Variants in PAM observed in about 807,000 individuals in gnomAD.
PAM encodes the protein peptidylglycine alpha-amidating monooxygenase.
A neutral mutation model predicts 122.1 loss-of-function variants in PAM; 72 were observed. That is an observed-to-expected ratio of 0.59 (90% CI 0.49 to 0.72). The LOEUF is 0.72. Ranked by LOEUF, PAM falls within the 30% of genes least tolerant of loss-of-function variation. PAM has a pLI of 0.00. For missense variants in PAM, 1,106 were observed against 1,183.7 expected (o/e 0.93, Z 0.96); for synonymous variants, 389 against 404.4 (o/e 0.96, Z 0.46).
chr5:102,892,530 T>A (rs1412526364), intron 3 of PAM, among the ~76,000 whole-genome samples: 1 of 151,854 alleles, frequency 6.6e-6, no homozygotes, highest in Non-Finnish European at 1.5e-5. Flanking sequence ...AGTATTATCT[T>A]TGTGATATGT....
At chr5:102,932,863 T>C in intron 7 of PAM, among the ~76,000 whole-genome samples, 1 of 152,156 alleles carries the variant, frequency 6.6e-6, no homozygotes, top group East Asian at 1.9e-4. Context: ...TTCCAGTTTT[T>C]AGGAGTACGT....
intron 7 of PAM, among the ~76,000 whole-genome samples, chr5:102,945,626 G>C (rs1756782020): frequency 6.6e-6 from 1 of 151,836 alleles, no homozygotes; most frequent in Non-Finnish European, 1.5e-5. Context: ...CTTTGGCTCT[G>C]AGTTAATTTG....
At chr5:102,892,639 A>G (rs1285005117) in intron 3 of PAM, among the ~76,000 whole-genome samples, 2 of 151,908 alleles carry the variant, frequency 1.3e-5, no homozygotes. Flanking sequence ...TGCTTTTTAA[A>G]AATCATTGTA....
At chr5:102,880,261 A>C (rs958335246) in intron 3 of PAM, among the ~76,000 whole-genome samples, 5 of 152,124 alleles carry the variant, frequency 3.3e-5, no homozygotes, top group African/African-American at 1.2e-4. Flanking sequence ...AGCCTGGGCA[A>C]CTGAGTGAGA....
intron 1 of PAM, among the ~76,000 whole-genome samples, chr5:102,806,639 C>A (rs1051568054): frequency 1.2e-4 from 18 of 152,134 alleles, no homozygotes; most frequent in Non-Finnish European, 1.5e-4. Context: ...TAGTAAACTG[C>A]ATTTTTGCTT....
chr5:102,817,531 C>T (rs977016748), intron 1 of PAM, among the ~76,000 whole-genome samples: 1 of 152,038 alleles, frequency 6.6e-6, no homozygotes. Context: ...AAAGTGATTT[C>T]ATTTTTGCCT....
intron 3 of PAM, among the ~76,000 whole-genome samples, chr5:102,882,094 TATATATATATATATATAC>T (rs1561747756): frequency 4.8e-5 from 5 of 104,432 alleles, no homozygotes; most frequent in Admixed American, 9.2e-5. Context: ...TATATATATA[TATATATATATATATATAC>T]ACCACATTTT....
chr5:102,904,506 T>C (rs1417004928), intron 4 of PAM, among the ~76,000 whole-genome samples: 1 of 151,560 alleles, frequency 6.6e-6, no homozygotes, highest in Non-Finnish European at 1.5e-5. Flanking sequence ...TACCTTGAAT[T>C]ATATTCTAAT....
At chr5:102,981,567 C>T (rs1188338808) in intron 15 of PAM, among the ~76,000 whole-genome samples, 4 of 152,136 alleles carry the variant, frequency 2.6e-5, no homozygotes, top group African/African-American at 9.7e-5. Flanking sequence ...ATTTATGAGG[C>T]CATACAGTAA....
chr5:102,869,948 G>A (rs779663189), intron 3 of PAM, among the ~76,000 whole-genome samples: 5 of 151,536 alleles, frequency 3.3e-5, no homozygotes, highest in Non-Finnish European at 7.4e-5. Flanking sequence ...ATGAAAAAAA[G>A]GTCCAAGAAA....
intron 1 of PAM, among the ~76,000 whole-genome samples, chr5:102,759,615 T>C (rs1007728362): frequency 2.0e-5 from 3 of 152,200 alleles, no homozygotes; most frequent in Admixed American, 1.3e-4. Flanking sequence ...TTTTAAAAAC[T>C]ATTCTGTGGG....
At chr5:102,895,334 C>A (rs1425581845) in intron 3 of PAM, among the ~76,000 whole-genome samples, 4 of 151,682 alleles carry the variant, frequency 2.6e-5, no homozygotes, top group African/African-American at 9.7e-5. Flanking sequence ...GTAATTATTT[C>A]TTTGCTAAAC....
intron 1 of PAM, among the ~76,000 whole-genome samples, chr5:102,834,953 G>T (rs908802118): frequency 6.6e-6 from 1 of 152,088 alleles, no homozygotes; most frequent in African/African-American, 2.4e-5. Context: ...TGCATTTAAT[G>T]CTGCAAGTAT....
At chr5:102,845,650 C>T (rs982244521) in intron 1 of PAM, among the ~76,000 whole-genome samples, 6 of 152,116 alleles carry the variant, frequency 3.9e-5, no homozygotes, top group African/African-American at 1.4e-4. Flanking sequence ...TCCATTTATT[C>T]AGGGGTACAA....
chr5:102,759,429 C>T (rs1294341201), intron 1 of PAM, among the ~76,000 whole-genome samples: 1 of 152,090 alleles, frequency 6.6e-6, no homozygotes, highest in Non-Finnish European at 1.5e-5. Context: ...GAGGGAGAGG[C>T]GTGGCAATCT....
At chr5:102,915,361 C>A (rs1802790359) in intron 5 of PAM, among the ~76,000 whole-genome samples, 1 of 152,112 alleles carries the variant, frequency 6.6e-6, no homozygotes, top group African/African-American at 2.4e-5. Flanking sequence ...TAGTGGAAAT[C>A]TCCATGGACC....
chr5:102,879,041 G>T (rs1790119809), intron 3 of PAM, among the ~76,000 whole-genome samples: 1 of 151,964 alleles, frequency 6.6e-6, no homozygotes, highest in African/African-American at 2.4e-5. Flanking sequence ...CCATTCTCCT[G>T]CCTCAGCCTC....
intron 7 of PAM, among the ~76,000 whole-genome samples, chr5:102,944,647 G>A (rs1280490638): frequency 6.6e-6 from 1 of 152,020 alleles, no homozygotes; most frequent in African/African-American, 2.4e-5. Flanking sequence ...GTTGTCTTGG[G>A]ACTGGTCAAG....
intron 1 of PAM, among the ~76,000 whole-genome samples, chr5:102,829,806 A>C (rs889421057): frequency 6.6e-6 from 1 of 152,202 alleles, no homozygotes; most frequent in Non-Finnish European, 1.5e-5. Flanking sequence ...AGAATGGTTT[A>C]TCTTTCTGGG....
Sources: allele counts gnomAD v4.1 joint callset (sites outside exome capture counted in the v4.1 genomes callset), GRCh38; gene constraint gnomAD v4.1.1; transcripts MANE v1.5; gene names NCBI Gene and HGNC (gene_info 2026-07-23, HGNC 2026-07-21).